Variants in PCDHGB2 observed in about 807,000 individuals in gnomAD.
PCDHGB2 encodes the protein protocadherin gamma-B2.
A neutral mutation model predicts 59.3 loss-of-function variants in PCDHGB2; 55 were observed. The observed-to-expected ratio is 0.93, with a 90% confidence interval of 0.75 to 1.16. The LOEUF is 1.16. Among genes scored for constraint, PCDHGB2 ranks in the 50% most tolerant of loss-of-function variants. The pLI is 0.00. For missense variants in PCDHGB2, 1,228 were observed against 1,198.5 expected (o/e 1.02, Z -0.36); for synonymous variants, 516 against 512.0 (o/e 1.01, Z -0.11).
chr5:141,372,405 A>T, intron 1 of PCDHGB2: 2 of 1,614,024 alleles, frequency 1.2e-6, no homozygotes, highest in Non-Finnish European at 1.7e-6. Context: ...CTTGCAAGAG[A>T]TACAACCTGA....
rs1246204844 is a variant in PCDHGB2, at chr5:141,419,493, A to T, written c.2421+56937A>T. On this transcript the variant is annotated intron_variant, in intron 1 of 3. Coordinates refer to ENST00000522605, the MANE Select transcript of PCDHGB2 (RefSeq NM_018923.3). ...CAGGGCTCGCCCGCGCTCAGCGCCA[A>T]TGTGAGCCTGCGCGTGTTGGTGGGC... 3 of 1,612,264 alleles carry T rather than the reference A, an allele frequency of 1.9e-6. No individual in the cohort carries two copies. The African/African-American group carries it at 4.0e-5, about 22-fold the overall frequency.
chr5:141,419,824 AGCCACTGCCACGCT>A, intron 1 of PCDHGB2: 1 of 1,614,038 alleles, frequency 6.2e-7, no homozygotes, highest in South Asian at 1.1e-5. Context: ...CACCCCTTTC[AGCCACTGCCACGCT>A]GCACCTGGTG....
At chr5:141,408,076 A>C in intron 1 of PCDHGB2, 1 of 1,399,800 alleles carries the variant, frequency 7.1e-7, no homozygotes. Flanking sequence ...GACCTTTCCC[A>C]GCACAGCGGA....
chr5:141,393,136 C>A (rs1188231861), intron 1 of PCDHGB2: 3 of 1,613,306 alleles, frequency 1.9e-6, no homozygotes, highest in Admixed American at 1.7e-5. Flanking sequence ...AATATTAACA[C>A]CCTGGTTGAG....
intron 1 of PCDHGB2, chr5:141,372,446 T>C: frequency 6.2e-7 from 1 of 1,614,030 alleles, no homozygotes; most frequent in Non-Finnish European, 8.5e-7. Context: ...CCTCTGACCC[T>C]CAGGCGGAGC....
rs201022238 is a variant in PCDHGB2 at position 141,415,678 on chromosome 5, G to A, written c.2421+53122G>A. 470 of 1,555,406 alleles carry A rather than the reference G, an allele frequency of 3.0e-4. 2 individuals carry two copies. In the African/African-American group the frequency reaches 5.9e-3, roughly 20 times the overall value. ...GATTGGTTTTTACTTTGAAGTTTGC[G>A]GCATGATGGTGGAAAGTGTAAATGC... On this transcript the variant is annotated intron_variant, in intron 1 of 3. Coordinates refer to ENST00000522605, the MANE Select transcript of PCDHGB2 (RefSeq NM_018923.3).
rs780241180 is a variant in PCDHGB2, at chr5:141,490,819, C to A, written c.2422-3988C>A. On this transcript the variant is annotated intron_variant, in intron 1 of 3. Transcript: ENST00000522605. The surrounding 1 kb of genome is among the most constrained non-coding windows in gnomAD (Gnocchi z 5.4). ...CCAGCGTACCTTTGACTATGAATTGCTGCAGATGCTGCAGATTGTGGTGGG... is the reference window on the plus strand; with the variant it reads ...CCAGCGTACCTTTGACTATGAATTGATGCAGATGCTGCAGATTGTGGTGGG... 3 of 1,613,842 alleles carry A rather than the reference C, an allele frequency of 1.9e-6. No individual in the cohort carries two copies. The highest frequency in any genetic ancestry group is 2.5e-6 in the Non-Finnish European group (3 of 1,179,804).
In PCDHGB2 at chr5:141,448,771, T is replaced by C. The variant is rs564309379; in HGVS notation, c.2422-46036T>C. Among the ~76,000 whole-genome samples the C allele has an allele frequency of 6.6e-4, 100 of 151,738 alleles. 1 individual carries two copies. The highest frequency in any genetic ancestry group is 6.8e-3 in the Middle Eastern group (2 of 294). On this transcript the variant is annotated intron_variant, in intron 1 of 3. Coordinates refer to ENST00000522605, the MANE Select transcript of PCDHGB2 (RefSeq NM_018923.3). ...CTGGCTAACACGGTGAAACCCCGTCTGTACTAAAAATACAAAAAAAAAAAT... is the reference window on the plus strand; with the variant it reads ...CTGGCTAACACGGTGAAACCCCGTCCGTACTAAAAATACAAAAAAAAAAAT...
At position 141,382,776 on chromosome 5, in the gene PCDHGB2, A is replaced by T. The variant is rs572614689; in HGVS notation, c.2421+20220A>T. 1.1e-5 allele frequency: 9 copies of T among 809,964 alleles called. No homozygotes were observed. In the South Asian group the frequency reaches 1.8e-4, roughly 17 times the overall value. The allele number at this position is 809,964 out of a possible 1,614,324, so 50.2% of individuals were successfully genotyped here. A position where few individuals can be genotyped will look rare whatever the true frequency, so the allele number is the denominator to read the frequency against. On this transcript the variant is annotated intron_variant, in intron 1 of 3. Coordinates refer to ENST00000522605, the MANE Select transcript of PCDHGB2 (RefSeq NM_018923.3). Reference sequence around the variant, plus strand: ...TAAGCCCTCTTCCAGGCTGCACTAAACTCAAGCCTCTATCCTGCTGGATTC... The same window carrying T: ...TAAGCCCTCTTCCAGGCTGCACTAATCTCAAGCCTCTATCCTGCTGGATTC...
At position 141,491,049 on chromosome 5, in the gene PCDHGB2, G is replaced by C; in HGVS notation, c.2422-3758G>C. The C allele has an allele frequency of 1.2e-6, 2 of 1,614,116 alleles. No homozygotes were observed. Among genetic ancestry groups the C allele is most frequent in the Admixed American group, 3.3e-5 (2 of 60,024 alleles). On this transcript the variant is annotated intron_variant, in intron 1 of 3. Transcript: ENST00000522605. This position sits in a 1 kb window ranked among gnomAD's most constrained non-coding sequence, Gnocchi z 6.9. ...TGGATGCTGATGCAGGCCACAATGC[G>C]TGGCTCTCCTACTCACTGTTGCCAC...
In PCDHGB2 at chr5:141,431,457, T is replaced by C; in HGVS notation, c.2422-63350T>C. ...ACCGCGCGCATCCGCGTGATGGTTC[T>C]GGATGCGAACGACAACGCACCAGCG... On this transcript the variant is annotated intron_variant, in intron 1 of 3. Transcript: ENST00000522605. This position sits in a 1 kb window ranked among gnomAD's most constrained non-coding sequence, Gnocchi z 4.8. 6.2e-7 allele frequency: 1 copy of C among 1,613,818 alleles called. No homozygotes were observed. Among genetic ancestry groups the C allele is most frequent in the South Asian group, 1.1e-5 (1 of 91,088 alleles).
intron 1 of PCDHGB2, among the ~76,000 whole-genome samples, chr5:141,480,689 C>A (rs1266042791): frequency 6.6e-6 from 1 of 152,126 alleles, no homozygotes; most frequent in Non-Finnish European, 1.5e-5. Flanking sequence ...AATTCTGAAA[C>A]CCAGGCCACA....
At chr5:141,393,129 A>G in intron 1 of PCDHGB2, 2 of 1,613,426 alleles carry the variant, frequency 1.2e-6, no homozygotes, top group Non-Finnish European at 1.7e-6. Context: ...TCTGATAAAT[A>G]TTAACACCCT....
In PCDHGB2 at chr5:141,476,928, T is replaced by C. The variant is rs1279715094; in HGVS notation, c.2422-17879T>C. 6.2e-7 allele frequency: 1 copy of C among 1,614,142 alleles called. No individual in the cohort carries two copies. The highest frequency in any genetic ancestry group is 2.2e-5 in the East Asian group (1 of 44,868). On this transcript the variant is annotated intron_variant, in intron 1 of 3. Transcript: ENST00000522605. This position sits in a 1 kb window ranked among gnomAD's most constrained non-coding sequence, Gnocchi z 7.6. ...GTGGTACAAGTCCTTGCAACGGATC[T>C]GGATGAAGGCCCCAACGGTGAAATT...
rs1243327893 is a variant in PCDHGB2, at chr5:141,491,671, C to G, written c.2422-3136C>G. 1 of 1,613,484 alleles carries G rather than the reference C, an allele frequency of 6.2e-7. No homozygotes were observed. Among genetic ancestry groups the G allele is most frequent in the Admixed American group, 1.7e-5 (1 of 60,034 alleles). On this transcript the variant is annotated intron_variant, in intron 1 of 3. Transcript: ENST00000522605. This position sits in a 1 kb window ranked among gnomAD's most constrained non-coding sequence, Gnocchi z 6.9. ...GCTGGAGCCTGACGCCATCCGGTCC[C>G]GCTCTAATACGCTGCGGGAGCGGAG...
chr5:141,471,637 T>G (rs1284100810), intron 1 of PCDHGB2: 1 of 152,198 alleles, frequency 6.6e-6, no homozygotes, highest in Non-Finnish European at 1.5e-5. Context: ...TATGGATTAG[T>G]AATATACTGG....
chr5:141,439,455 C>T (rs62379163), intron 1 of PCDHGB2, among the ~76,000 whole-genome samples: 5,115 of 152,308 alleles, frequency 0.034, 100 homozygotes, highest in Middle Eastern at 0.088. Context: ...GGGAGCAAGA[C>T]TGCACTGCTG....
At chr5:141,399,722 A>G in intron 1 of PCDHGB2, 4 of 1,613,264 alleles carry the variant, frequency 2.5e-6, no homozygotes, top group Non-Finnish European at 3.4e-6. Context: ...CAGGCCCGCG[A>G]CCAGGGCTCG....
chr5:141,423,755 G>GC (rs542747697), intron 1 of PCDHGB2: 5,773 of 512,484 alleles, frequency 0.011, 63 homozygotes, highest in Non-Finnish European at 0.014. Context: ...CTGTTTGGGG[G>GC]GGGGGTGGGG....
Sources: gnomAD v4.1 joint callset for allele counts (sites outside exome capture counted in the v4.1 genomes callset) on GRCh38, gnomAD v4.1.1 for gene constraint, Gnocchi (gnomAD v3.1) non-coding constraint, MANE v1.5 for transcripts, NCBI Gene and HGNC (gene_info 2026-07-23, HGNC 2026-07-21) for gene names.